Variants in KLHDC1 observed in about 807,000 individuals in gnomAD.
The protein encoded by KLHDC1 is kelch domain-containing protein 1.
In KLHDC1, 53 loss-of-function variants were observed where a neutral mutation model predicts 68.3. The ratio of observed to expected loss-of-function variants is 0.78; its 90% confidence interval spans 0.62 to 0.98. The LOEUF (loss-of-function observed/expected upper bound fraction) is 0.98, where lower values mean the gene tolerates loss of function less well. KLHDC1 is among the 50% of genes least tolerant of loss of function. KLHDC1 has a pLI of 0.00. For missense variants in KLHDC1, 470 were observed against 492.3 expected, an observed-to-expected ratio of 0.95 and a Z score of 0.43; for synonymous variants, 148 against 159.0, an observed-to-expected ratio of 0.93 and a Z score of 0.52.
At chr14:49,735,187 TA>T in intron 10 of KLHDC1, among the ~76,000 whole-genome samples, 1 of 152,002 alleles carries the variant, frequency 6.6e-6, no homozygotes, top group Non-Finnish European at 1.5e-5. Context: ...ATTATAGAAT[TA>T]AAAATTTTAG....
intron 11 of KLHDC1, among the ~76,000 whole-genome samples, chr14:49,743,467 G>A (rs907582532): frequency 1.3e-5 from 2 of 151,694 alleles, no homozygotes; most frequent in African/African-American, 4.8e-5. Flanking sequence ...GGTGAAGAAT[G>A]TATTTCTTAT....
At chr14:49,743,657 AAT>A in intron 11 of KLHDC1, 94 bp from the exon 12 acceptor site, 1 of 740,852 alleles carries the variant, frequency 1.3e-6, no homozygotes, top group East Asian at 2.8e-5. Context: ...TGCCTTATAC[AAT>A]ATCTTTTACA....
intron 1 of KLHDC1, among the ~76,000 whole-genome samples, chr14:49,708,070 CTTTTT>C (rs11291588): frequency 1.9e-5 from 2 of 103,134 alleles, no homozygotes; most frequent in Non-Finnish European, 2.1e-5. Flanking sequence ...AAAACTCTAG[CTTTTT>C]TTTTTTTTTT....
chr14:49,701,947 T>A (rs971183965), intron 1 of KLHDC1, among the ~76,000 whole-genome samples: 3 of 152,068 alleles, frequency 2.0e-5, no homozygotes, highest in Non-Finnish European at 1.5e-5. Flanking sequence ...GGCGGGCAGA[T>A]CACCTGAGGT....
intron 1 of KLHDC1, among the ~76,000 whole-genome samples, chr14:49,707,292 G>A (rs1594652971): frequency 7.2e-6 from 1 of 139,418 alleles, no homozygotes; most frequent in Non-Finnish European, 1.6e-5. Flanking sequence ...GTGTGTGTGT[G>A]TGTGTGAGAG....
intron 1 of KLHDC1, 103 bp downstream of exon 1, chr14:49,693,393 T>C (rs1039375821): frequency 3.7e-6 from 3 of 809,802 alleles, no homozygotes; most frequent in Non-Finnish European, 1.7e-6. Flanking sequence ...GGCCCAGGCC[T>C]GGCGCGCCCG....
intron 8 of KLHDC1, among the ~76,000 whole-genome samples, 196 bp downstream of exon 8, chr14:49,729,744 T>G (rs992716088): frequency 8.5e-5 from 13 of 152,146 alleles, no homozygotes; most frequent in African/African-American, 3.1e-4. Flanking sequence ...ATACTAACAG[T>G]TGAAATTAGA....
intron 11 of KLHDC1, among the ~76,000 whole-genome samples, chr14:49,741,456 C>T (rs553509762): frequency 6.6e-6 from 1 of 152,052 alleles, no homozygotes; most frequent in East Asian, 1.9e-4. Context: ...CAGGCGTGTG[C>T]CACAACGCCC....
At chr14:49,736,046 T>G (rs1888924083) in intron 10 of KLHDC1, among the ~76,000 whole-genome samples, 1 of 152,118 alleles carries the variant, frequency 6.6e-6, no homozygotes, top group Non-Finnish European at 1.5e-5. Flanking sequence ...GAGCATCGAT[T>G]TTTTCATCGG....
intron 12 of KLHDC1, among the ~76,000 whole-genome samples, chr14:49,746,412 G>A (rs996484756): frequency 6.6e-5 from 10 of 151,954 alleles, no homozygotes; most frequent in African/African-American, 1.5e-4. Context: ...TGAGGGGGAG[G>A]GAGAAGAAAA....
At chr14:49,705,361 C>CTTTTTTTTTTTTTTTTT (rs1334189965) in intron 1 of KLHDC1, among the ~76,000 whole-genome samples, 1 of 35,310 alleles carries the variant, frequency 2.8e-5, no homozygotes, top group African/African-American at 7.4e-5. Flanking sequence ...ATATTTCTTT[C>CTTTTTTTTTTTTTTTTT]TTTCTTTTTT....
At chr14:49,714,555 C>G (rs1166640030) in intron 4 of KLHDC1, among the ~76,000 whole-genome samples, 2 of 151,862 alleles carry the variant, frequency 1.3e-5, no homozygotes, top group East Asian at 1.9e-4. Flanking sequence ...TGGAGGATCC[C>G]TTGAGGACAG....
At chr14:49,706,178 C>G (rs193040372) in intron 1 of KLHDC1, among the ~76,000 whole-genome samples, 26 of 152,266 alleles carry the variant, frequency 1.7e-4, no homozygotes, top group Admixed American at 1.0e-3. Context: ...CTTCTGCTTT[C>G]TCTCTCCATG....
chr14:49,743,735 C>CT lies in KLHDC1; in HGVS notation c.982-12dup. 2.0e-6 allele frequency: 3 copies of CT among 1,533,960 alleles called. No homozygotes were observed. The highest frequency in any genetic ancestry group is 2.7e-6 in the Non-Finnish European group (3 of 1,119,814). On this transcript the variant is annotated splice_polypyrimidine_tract_variant and intron_variant, in intron 11 of 12. Coordinates refer to ENST00000359332, the MANE Select transcript of KLHDC1 (RefSeq NM_172193.3). ...ATTTTTATCAAAAACTTAATAATGC[C>CT]TTTTTTGTGTTGATTAGGGTCACTG...
In KLHDC1 at chr14:49,723,940, T is replaced by C. The variant is rs1205691912; in HGVS notation, c.471T>C (p.His157=). The C allele has an allele frequency of 3.1e-6, 5 of 1,594,136 alleles. No individual in the cohort carries two copies. The African/African-American group carries it at 6.7e-5, about 21-fold the overall frequency. ...AACTCCAAGACTGTTTTGATGTTCA[T>C]GATGCATCTTGGGTAAGATAGTAAT... The part of the protein sequence containing the change: ...HSELQDCFDV[H]DASWEEQIFW... Residue 157 remains histidine (H), a synonymous_variant, in exon 5 of 13, where the codon CAT becomes CAC. Transcript: ENST00000359332.
At chr14:49,705,455 G>A (rs1426932481) in intron 1 of KLHDC1, among the ~76,000 whole-genome samples, 3 of 129,218 alleles carry the variant, frequency 2.3e-5, no homozygotes, top group East Asian at 5.3e-4. Context: ...TGCAACCTCC[G>A]CCTCCCAGGT....
In KLHDC1 at chr14:49,693,276, T is replaced by TG. The variant is rs769808390; in HGVS notation, c.89dup (p.Tyr31LeufsTer5). On this transcript the variant is annotated frameshift_variant, in exon 1 of 13. Coordinates refer to ENST00000359332, the MANE Select transcript of KLHDC1 (RefSeq NM_172193.3). LOFTEE classifies it high-confidence loss of function. Reference sequence around the variant, plus strand: ...GGTGGACGGAAACTTCCTCTACGTGTGGGGGGGCTACGTGGTAAGGGGAAG... The same window carrying TG: ...GGTGGACGGAAACTTCCTCTACGTGTGGGGGGGGCTACGTGGTAAGGGGAAG... The TG allele has an allele frequency of 3.2e-5, 50 of 1,552,806 alleles. No homozygotes were observed. The highest frequency in any genetic ancestry group is 7.9e-5 in the East Asian group (3 of 37,910).
intron 8 of KLHDC1, among the ~76,000 whole-genome samples, chr14:49,730,753 A>G (rs1395882964): frequency 6.6e-6 from 1 of 152,020 alleles, no homozygotes; most frequent in Non-Finnish European, 1.5e-5. Context: ...CAGGTGGATC[A>G]CCTGAGGTCA....
intron 1 of KLHDC1, among the ~76,000 whole-genome samples, chr14:49,698,240 G>T (rs1887797827): frequency 6.6e-6 from 1 of 152,170 alleles, no homozygotes; most frequent in South Asian, 2.1e-4. Context: ...GTCTTGCTCT[G>T]TCGCCCAGGC....
Sources: allele counts gnomAD v4.1 joint callset (sites outside exome capture counted in the v4.1 genomes callset), GRCh38; gene constraint gnomAD v4.1.1; transcripts MANE v1.5; gene names NCBI Gene and HGNC (gene_info 2026-07-23, HGNC 2026-07-21).